Variants in EYS observed in about 807,000 individuals in gnomAD.
EYS encodes the protein EGF-like photoreceptor maintenance factor.
A neutral mutation model predicts 282.1 loss-of-function variants in EYS; 250 were observed. That is an observed-to-expected ratio of 0.89 (90% CI 0.80 to 0.98). The LOEUF (loss-of-function observed/expected upper bound fraction) is 0.98. Among genes scored for constraint, EYS ranks in the 50% least tolerant of loss-of-function variants. The pLI is 0.00. For missense variants in EYS, 4,016 were observed against 3,709.0 expected (o/e 1.08, Z -2.15); for synonymous variants, 1,355 against 1,282.9 (o/e 1.06, Z -1.20).
At chr6:65,295,629 T>C in intron 12 of EYS, 2 of 519,838 alleles carry the variant, frequency 3.8e-6, no homozygotes, top group Non-Finnish European at 6.8e-6. Flanking sequence ...TGCTTCAGCC[T>C]GACCTTATTA....
chr6:64,628,225 C>G (rs1283124103), intron 22 of EYS, among the ~76,000 whole-genome samples: 4 of 141,178 alleles, frequency 2.8e-5, no homozygotes, highest in South Asian at 2.3e-4. Context: ...ATCTTTGTAG[C>G]AAAAAGAAAC....
intron 33 of EYS, among the ~76,000 whole-genome samples, chr6:64,012,049 C>T (rs1323259487): frequency 6.6e-6 from 1 of 150,994 alleles, no homozygotes; most frequent in Non-Finnish European, 1.5e-5. Context: ...CCCCTCACCC[C>T]CTCCCCTCCT....
chr6:64,238,666 A>T (rs1182784103), intron 30 of EYS, among the ~76,000 whole-genome samples: 1 of 152,086 alleles, frequency 6.6e-6, no homozygotes, highest in Non-Finnish European at 1.5e-5. Context: ...ATGGCTGTTT[A>T]TGTTCCATCC....
At chr6:63,928,530 G>A (rs1042895822) in intron 35 of EYS, among the ~76,000 whole-genome samples, 1 of 58,956 alleles carries the variant, frequency 1.7e-5, no homozygotes, top group African/African-American at 9.2e-5. Context: ...TTGACTGTGT[G>A]TGTGTGTGTG....
intron 14 of EYS, among the ~76,000 whole-genome samples, chr6:64,962,384 T>C (rs974751450): frequency 6.6e-6 from 1 of 152,032 alleles, no homozygotes; most frequent in Non-Finnish European, 1.5e-5. Flanking sequence ...TTTATCTAAT[T>C]GTATTAGATA....
intron 36 of EYS, among the ~76,000 whole-genome samples, chr6:63,843,778 T>C (rs1019798449): frequency 3.3e-5 from 5 of 152,152 alleles, no homozygotes; most frequent in Non-Finnish European, 7.4e-5. Flanking sequence ...AAATAAAGCG[T>C]ATTCAAATAG....
At chr6:64,570,440 C>A (rs138431817) in intron 26 of EYS, among the ~76,000 whole-genome samples, 1 of 152,062 alleles carries the variant, frequency 6.6e-6, no homozygotes, top group Non-Finnish European at 1.5e-5. Flanking sequence ...TCACACATAA[C>A]AATATTAACC....
chr6:63,774,197 C>T (rs1171309631), intron 40 of EYS, among the ~76,000 whole-genome samples: 1 of 150,584 alleles, frequency 6.6e-6, no homozygotes, highest in African/African-American at 2.4e-5. Flanking sequence ...AGATGGAGTT[C>T]CCCTCTTGTC....
chr6:64,902,158 G>A lies in EYS; in HGVS notation c.2801C>T (p.Ser934Phe). The A allele has an allele frequency of 1.3e-6, 2 of 1,550,666 alleles. No individual in the cohort carries two copies. Among genetic ancestry groups the A allele is most frequent in the Non-Finnish European group, 1.7e-6 (2 of 1,146,456 alleles). Reference protein sequence around the residue: ...LCEIEINECSSEPCKNNGTCV... With the variant: ...LCEIEINECSFEPCKNNGTCV... The stretch of plus-strand genomic sequence containing the variant: ...TGTTCCATTATTTTTGCAAGGTTCA[G>A]AGGAACATTCATTAATTTCAATTTC... Residue 934 changes from serine to phenylalanine, a missense_variant, in exon 18 of 43, where the codon TCT (serine) becomes TTT (phenylalanine). Ser to Phe is a radical substitution (Grantham distance 155, BLOSUM62 -2). Transcript: ENST00000503581.
At chr6:63,812,906 G>A (rs906571529) in intron 36 of EYS, among the ~76,000 whole-genome samples, 2 of 152,104 alleles carry the variant, frequency 1.3e-5, no homozygotes, top group Non-Finnish European at 1.5e-5. Context: ...TCTAGTGTGG[G>A]TAAAAATTCA....
intron 29 of EYS, among the ~76,000 whole-genome samples, chr6:64,345,433 A>G (rs1378520501): frequency 3.9e-5 from 6 of 152,172 alleles, no homozygotes; most frequent in Non-Finnish European, 7.4e-5. Context: ...CAAACCTCAC[A>G]AAAACAAGCA....
At chr6:63,834,987 G>T (rs28827856) in intron 36 of EYS, among the ~76,000 whole-genome samples, 19,147 of 143,110 alleles carry the variant, frequency 0.13, 1,594 homozygotes, top group African/African-American at 0.24. Flanking sequence ...TCACTCATAG[G>T]TGGGAATTGA....
intron 35 of EYS, among the ~76,000 whole-genome samples, chr6:63,889,246 A>G (rs1773346597): frequency 6.6e-6 from 1 of 152,202 alleles, no homozygotes. Context: ...TCCCCAACCT[A>G]GCAAGACAGG....
At chr6:65,379,262 T>C (rs1320214785) in intron 8 of EYS, among the ~76,000 whole-genome samples, 2 of 151,992 alleles carry the variant, frequency 1.3e-5, no homozygotes, top group African/African-American at 4.8e-5. Context: ...AAAAAGCTTA[T>C]CCACCACGAC....
At chr6:64,327,800 C>T (rs1770486845) in intron 29 of EYS, among the ~76,000 whole-genome samples, 1 of 152,148 alleles carries the variant, frequency 6.6e-6, no homozygotes, top group Non-Finnish European at 1.5e-5. Context: ...CTCTATGCAC[C>T]AATTTATCCA....
chr6:64,802,026 T>TTTTTG (rs1562199420), intron 22 of EYS, among the ~76,000 whole-genome samples: 3 of 113,604 alleles, frequency 2.6e-5, no homozygotes, highest in African/African-American at 1.1e-4. Context: ...TCTTTTTCTT[T>TTTTTG]TTTTTTCTTT....
chr6:64,028,024 T>C (rs1227380946), intron 33 of EYS, among the ~76,000 whole-genome samples: 2 of 152,214 alleles, frequency 1.3e-5, no homozygotes, highest in Admixed American at 1.3e-4. Flanking sequence ...TCCCACCTTC[T>C]CAGTTGTAAT....
At chr6:64,951,294 T>A (rs1769499478) in intron 14 of EYS, among the ~76,000 whole-genome samples, 1 of 151,918 alleles carries the variant, frequency 6.6e-6, no homozygotes, top group Non-Finnish European at 1.5e-5. Context: ...GAGGGGCATA[T>A]CTTGAAGAAA....
At chr6:64,107,348 C>A (rs984214219) in intron 31 of EYS, among the ~76,000 whole-genome samples, 4 of 142,070 alleles carry the variant, frequency 2.8e-5, no homozygotes, top group Non-Finnish European at 4.6e-5. Context: ...ACTTAATGAT[C>A]ACAAGGTCCC....
Sources: gnomAD v4.1 joint callset for allele counts (sites outside exome capture counted in the v4.1 genomes callset) on GRCh38, gnomAD v4.1.1 for gene constraint, MANE v1.5 for transcripts, NCBI Gene and HGNC (gene_info 2026-07-23, HGNC 2026-07-21) for gene names.